The following DPF3 variants were observed in gnomAD, a reference collection of about 807,000 sequenced individuals.
The protein encoded by DPF3 is double PHD fingers 3.
DPF3 carries 18 observed loss-of-function variants against 56.8 expected under a neutral mutation model. The observed-to-expected ratio is 0.32, with a 90% CI of 0.22 to 0.47. The LOEUF (loss-of-function observed/expected upper bound fraction) is 0.47, where lower values mean the gene tolerates loss of function less well. Among genes scored for constraint, DPF3 ranks in the 20% least tolerant of loss-of-function variants. The pLI is 1.00. For missense variants in DPF3, 403 were observed against 488.8 expected (o/e 0.82, Z 1.65); for synonymous variants, 188 against 180.2 (o/e 1.04, Z -0.35).
rs149575466 is a variant in DPF3 at position 72,800,552 on chromosome 14, G to A, written c.33-28659C>T. On this transcript the variant is annotated intron_variant, in intron 1 of 10. Coordinates refer to ENST00000556509, the MANE Select transcript of DPF3 (RefSeq NM_001280542.3). Reference sequence around the variant, plus strand: ...TGGATGGATGGATGCACAGATGGATGTATGGATGCATGGATGCATGCATGC... The same window carrying A: ...TGGATGGATGGATGCACAGATGGATATATGGATGCATGGATGCATGCATGC... Among the ~76,000 whole-genome samples, 82 of 151,842 alleles carry A rather than the reference G, an allele frequency of 5.4e-4. No homozygotes were observed. The Middle Eastern group carries it at 0.014, about 25-fold the overall frequency.
At chr14:72,686,650 G>A (rs1887426292) in intron 7 of DPF3, among the ~76,000 whole-genome samples, 1 of 152,180 alleles carries the variant, frequency 6.6e-6, no homozygotes, top group South Asian at 2.1e-4. Flanking sequence ...TATATAATCT[G>A]AAAACTGTCT....
chr14:72,762,208 C>A (rs1209902946), intron 2 of DPF3, among the ~76,000 whole-genome samples: 8 of 151,728 alleles, frequency 5.3e-5, no homozygotes, highest in African/African-American at 1.9e-4. Context: ...ACCAGCATCA[C>A]CCTGACACCC....
chr14:72,857,621 T>A (rs949774376), intron 1 of DPF3, among the ~76,000 whole-genome samples: 3 of 152,194 alleles, frequency 2.0e-5, no homozygotes, highest in African/African-American at 7.2e-5. Context: ...GGAGTCTCAC[T>A]CTGTCACCAG....
chr14:72,830,929 G>A (rs933924309), intron 1 of DPF3, among the ~76,000 whole-genome samples: 4 of 152,208 alleles, frequency 2.6e-5, no homozygotes, highest in African/African-American at 7.2e-5. Flanking sequence ...TAAGCCTGGC[G>A]CACCTCGGGC....
At chr14:72,750,824 A>G (rs1406921237) in intron 3 of DPF3, among the ~76,000 whole-genome samples, 1 of 141,432 alleles carries the variant, frequency 7.1e-6, no homozygotes, top group African/African-American at 2.6e-5. Context: ...AAAACCTGCT[A>G]CCACTGATTA....
intron 1 of DPF3, among the ~76,000 whole-genome samples, chr14:72,860,480 C>T (rs72732427): frequency 0.076 from 11,620 of 152,196 alleles, 620 homozygotes; most frequent in South Asian, 0.18. Context: ...CCACCACACC[C>T]GGCCCTTTAT....
chr14:72,611,101 C>G lies in DPF3; in HGVS notation c.*8196G>C, dbSNP rs561565102. On this transcript the variant is annotated 3_prime_UTR_variant, in exon 11 of 11. Transcript: ENST00000556509. ...TGTGCCATCCAGGGCCCCAGAGGAGCCTTCCCTTGGGCCACCCCCCACAGA... is the reference window on the plus strand; with the variant it reads ...TGTGCCATCCAGGGCCCCAGAGGAGGCTTCCCTTGGGCCACCCCCCACAGA... 6.6e-6 allele frequency among the ~76,000 whole-genome samples: 1 copy of G among 152,320 alleles called. No homozygotes were observed. The highest frequency in any genetic ancestry group is 1.5e-5 in the Non-Finnish European group (1 of 68,030).
At chr14:72,694,632 T>G (rs887903375) in intron 6 of DPF3, among the ~76,000 whole-genome samples, 1 of 152,238 alleles carries the variant, frequency 6.6e-6, no homozygotes, top group Admixed American at 6.5e-5. Flanking sequence ...TCACCTCTTC[T>G]TCCCCATATT....
chr14:72,729,892 C>A (rs896847303), intron 4 of DPF3, among the ~76,000 whole-genome samples: 2 of 152,036 alleles, frequency 1.3e-5, no homozygotes, highest in Non-Finnish European at 2.9e-5. Flanking sequence ...TGCACAACGC[C>A]AAGAGTGAAC....
Position 72,867,271 on chromosome 14 carries a change from T to C in DPF3, c.32+26786A>G, listed in dbSNP as rs989107508. ...GCACATCTATGATGAGTAAGGGAGA[T>C]GAGTTGCACTGTATGGAGAACCTGA... On this transcript the variant is annotated intron_variant, in intron 1 of 10. Transcript: ENST00000556509. Among the ~76,000 whole-genome samples the C allele has an allele frequency of 3.3e-5, 5 of 152,150 alleles. No homozygotes were observed. In the East Asian group the frequency reaches 5.8e-4, roughly 18 times the overall value.
intron 8 of DPF3, among the ~76,000 whole-genome samples, chr14:72,659,146 G>C (rs560939556): frequency 6.6e-6 from 1 of 152,280 alleles, no homozygotes; most frequent in Admixed American, 6.5e-5. Context: ...CCTGTGACCT[G>C]AGACTGAGCC....
intron 1 of DPF3, among the ~76,000 whole-genome samples, chr14:72,795,721 C>T (rs61631136): frequency 8.0e-4 from 121 of 152,158 alleles, no homozygotes; most frequent in Non-Finnish European, 1.5e-3. Context: ...TTCATGCTGA[C>T]GTCAGGGAGC....
chr14:72,733,256 A>ACT (rs748589100), intron 3 of DPF3, among the ~76,000 whole-genome samples: 2 of 152,186 alleles, frequency 1.3e-5, no homozygotes, highest in Non-Finnish European at 2.9e-5. Context: ...GGGGGCAGGA[A>ACT]CTATGATGCA....
In DPF3 at chr14:72,614,733, A is replaced by AAAT. The variant is rs1567175399; in HGVS notation, c.*4561_*4563dup. Among the ~76,000 whole-genome samples, 5 of 150,042 alleles carry AAAT rather than the reference A, an allele frequency of 3.3e-5. No homozygotes were observed. Among genetic ancestry groups the AAAT allele is most frequent in the East Asian group, 2.0e-4 (1 of 5,042 alleles). ...TGGGCAGAGGTTTGGCCTTTTTACA[A>AAAT]AATAATAATAATAATAATCTGTTGC... On this transcript the variant is annotated 3_prime_UTR_variant, in exon 11 of 11. Transcript: ENST00000556509.
At position 72,670,781 on chromosome 14, in the gene DPF3, T is replaced by C. The variant is rs942472305; in HGVS notation, c.871+3459A>G. 3.9e-6 allele frequency: 4 copies of C among 1,033,146 alleles called. No homozygotes were observed. In the South Asian group the frequency reaches 1.1e-4, roughly 28 times the overall value. 64.0% of individuals were successfully genotyped at this position (1,033,146 alleles called of 1,614,324 possible). A position where few individuals can be genotyped will look rare whatever the true frequency, so the allele number is the denominator to read the frequency against. The stretch of plus-strand genomic sequence containing the variant: ...TTCCTTTTGCCAATAAATATGAAAA[T>C]TGAGGACATCAACTCTGCTCCTGTC... On this transcript the variant is annotated intron_variant, in intron 8 of 10. Transcript: ENST00000556509.
Position 72,620,039 on chromosome 14 carries a change from A to G in DPF3, c.985-55T>C, listed in dbSNP as rs1884326474. On this transcript the variant is annotated intron_variant, in intron 9 of 10. Transcript: ENST00000556509. ...GGAGAGATTCCATTATTCGGGGCCA[A>G]TGTCTGGCCCCCGCTTACCCATCAG... The G allele has an allele frequency of 4.1e-6, 6 of 1,461,158 alleles. No homozygotes were observed. The South Asian group carries it at 5.4e-5, about 13-fold the overall frequency. The allele number at this position is 1,461,158 out of a possible 1,614,324, so 90.5% of individuals were successfully genotyped here. A position where few individuals can be genotyped will look rare whatever the true frequency, so the allele number is the denominator to read the frequency against.
intron 7 of DPF3, among the ~76,000 whole-genome samples, chr14:72,678,821 T>C (rs989739618): frequency 6.6e-6 from 1 of 151,976 alleles, no homozygotes; most frequent in Non-Finnish European, 1.5e-5. Context: ...GAGATACAAG[T>C]AAGTTGCTGA....
intron 1 of DPF3, among the ~76,000 whole-genome samples, chr14:72,847,737 C>T (rs1210261372): frequency 6.6e-6 from 1 of 152,142 alleles, no homozygotes; most frequent in Non-Finnish European, 1.5e-5. Context: ...GTCTTAAACT[C>T]CTGACCTCAG....
intron 5 of DPF3, among the ~76,000 whole-genome samples, chr14:72,719,900 T>C (rs534499248): frequency 1.3e-4 from 20 of 152,250 alleles, no homozygotes; most frequent in Non-Finnish European, 2.5e-4. Flanking sequence ...GAATTTGAAC[T>C]TGCAAGGTCT....
Sources: gnomAD v4.1 joint callset for allele counts (sites outside exome capture counted in the v4.1 genomes callset) on GRCh38, gnomAD v4.1.1 for gene constraint, MANE v1.5 for transcripts, NCBI Gene and HGNC (gene_info 2026-07-23, HGNC 2026-07-21) for gene names.